HAUS7: variants seen among roughly 807,000 people sequenced by gnomAD.
HAUS7 encodes the protein HAUS augmin like complex subunit 7, also known as HAUS augmin-like complex subunit 7.
Under a neutral mutation model 28.4 loss-of-function variants are expected in HAUS7, and 3 were observed. The ratio of observed to expected loss-of-function variants is 0.11; its 90% confidence interval spans 0.05 to 0.27. HAUS7 has a LOEUF of 0.27. HAUS7 is among the 10% of genes least tolerant of loss of function. The pLI is 1.00. For synonymous variants in HAUS7, 165 were observed against 132.1 expected, an observed-to-expected ratio of 1.25 and a Z score of -1.71; for missense variants, 284 against 297.3, an observed-to-expected ratio of 0.96 and a Z score of 0.33.
chrX:153,484,940 G>A (rs1485928380), intron 1 of HAUS7, among the ~76,000 whole-genome samples: 4 of 112,738 alleles, frequency 3.5e-5, no homozygotes, highest in Non-Finnish European at 5.6e-5. Flanking sequence ...CCCTAGCCAC[G>A]GGGGCTGAGG....
At chrX:153,476,958 C>T in intron 1 of HAUS7, among the ~76,000 whole-genome samples, 1 of 112,911 alleles carries the variant, frequency 8.9e-6, no homozygotes, top group Non-Finnish European at 1.9e-5. Flanking sequence ...AAGGCTGGCT[C>T]TGCTCCATGG....
chrX:153,457,344 G>T, intron 4 of HAUS7, 116 bp from the exon 5 acceptor site: 2 of 510,399 alleles, frequency 3.9e-6, no homozygotes, highest in South Asian at 2.9e-5. Context: ...GGGAAAGGAG[G>T]GGCCTGGCCC....
At position 153,455,673 on chromosome X, in the gene HAUS7, G is replaced by C; in HGVS notation, c.799C>G (p.Gln267Glu). 1.7e-6 allele frequency: 2 copies of C among 1,204,929 alleles called. No individual in the cohort carries two copies. Among genetic ancestry groups the C allele is most frequent in the South Asian group, 1.8e-5 (1 of 56,874 alleles). ...KLRLVTSDFHQLILAFLQVYD... is the reference protein window; with the variant it reads ...KLRLVTSDFHELILAFLQVYD... ...ACTTGGAGAAAAGCCAAGATTAGCT[G>C]GTGGAAGTCGGAAGTGACCAGACGC... The change falls in exon 8 of 10, where the codon CAG (glutamine) becomes GAG (glutamate). Residue 267 changes from glutamine (Q) to glutamate (E), a missense_variant. Transcript: ENST00000370211.
intron 5 of HAUS7, 144 bp downstream of exon 5, chrX:153,456,993 T>C (rs1602932122): frequency 2.1e-6 from 1 of 483,658 alleles, no homozygotes. Context: ...GCCCGGCCCC[T>C]GATTGGCCAG....
At chrX:153,450,834 G>A (rs1447186137) in intron 9 of HAUS7, among the ~76,000 whole-genome samples, 2 of 112,365 alleles carry the variant, frequency 1.8e-5, no homozygotes, top group African/African-American at 6.5e-5. Context: ...ACAGAAACAC[G>A]GCCTTCCACA....
At chrX:153,454,545 G>GGAGC in intron 8 of HAUS7, 37 bp from the exon 9 acceptor site, 1 of 585,234 alleles carries the variant, frequency 1.7e-6, no homozygotes, top group Non-Finnish European at 2.8e-6. Context: ...AGGGAGGGAG[G>GGAGC]GAGCGAGCAG....
intron 9 of HAUS7, among the ~76,000 whole-genome samples, chrX:153,452,520 G>A (rs1205686784): frequency 8.9e-6 from 1 of 112,237 alleles, no homozygotes; most frequent in Non-Finnish European, 1.9e-5. Context: ...TTTAAAAGAA[G>A]TGTTAAAGAA....
chrX:153,476,334 C>T (rs1426129096), intron 1 of HAUS7, among the ~76,000 whole-genome samples: 1 of 112,382 alleles, frequency 8.9e-6, no homozygotes, highest in African/African-American at 3.2e-5. Flanking sequence ...CTCACCTGAT[C>T]CCCTGTCAGT....
rs897640118 is a variant in HAUS7, at chrX:153,456,956, G to A, written c.446+181C>T. On this transcript the variant is annotated intron_variant, in intron 5 of 9. Coordinates refer to ENST00000370211, the MANE Select transcript of HAUS7 (RefSeq NM_001385482.1). The stretch of plus-strand genomic sequence containing the variant: ...CTTGGGCAACAGCCAGCACCCTTGG[G>A]ACACAGCTGCCCCTTGCCCGTATGC... 1.1e-5 allele frequency: 5 copies of A among 449,663 alleles called. No individual in the cohort carries two copies. The South Asian group carries it at 1.3e-4, about 12-fold the overall frequency. 37.1% of individuals were successfully genotyped at this position (449,663 alleles called of 1,213,427 possible). A position where few individuals can be genotyped will look rare whatever the true frequency, so the allele number is the denominator to read the frequency against.
intron 1 of HAUS7, chrX:153,482,553 T>G (rs1323001312): frequency 1.4e-6 from 1 of 726,070 alleles, no homozygotes; most frequent in African/African-American, 2.3e-5. Flanking sequence ...GGGTCTGCCC[T>G]CTAGGAGGCA....
chrX:153,454,659 G>A, intron 8 of HAUS7, 151 bp from the exon 9 acceptor site: 1 of 484,173 alleles, frequency 2.1e-6, no homozygotes, highest in Admixed American at 3.4e-5. Context: ...AAGGGTGAGG[G>A]ACAGAACTCC....
At position 153,480,733 on chromosome X, in the gene HAUS7, G is replaced by A. The variant is rs1002263814; in HGVS notation, c.-588-9588C>T. 22 of 753,747 alleles carry A rather than the reference G, an allele frequency of 2.9e-5. No homozygotes were observed. In the African/African-American group the frequency reaches 4.6e-4, roughly 16 times the overall value. 62.1% of individuals were successfully genotyped at this position (753,747 alleles called of 1,213,427 possible). A position where few individuals can be genotyped will look rare whatever the true frequency, so the allele number is the denominator to read the frequency against. On this transcript the variant is annotated intron_variant, in intron 1 of 5. Coordinates refer to the HAUS7 transcript ENST00000370210. ...GGCTGGAAAGCGCTTCCCAGGCCAGGGCTGGCCCTGAGGAAGGAGTCACCC... is the reference window on the plus strand; with the variant it reads ...GGCTGGAAAGCGCTTCCCAGGCCAGAGCTGGCCCTGAGGAAGGAGTCACCC...
At position 153,490,621 on chromosome X, in the gene HAUS7, C is replaced by T. The variant is rs782747647; in HGVS notation, c.-589+4753G>A. ...GGGGTTGCCCACTGGTGTCTGCCCCCGAGGGTGCCGACACTGGGAATGGAC... is the reference window on the plus strand; with the variant it reads ...GGGGTTGCCCACTGGTGTCTGCCCCTGAGGGTGCCGACACTGGGAATGGAC... On this transcript the variant is annotated intron_variant, in intron 1 of 5. Coordinates refer to the HAUS7 transcript ENST00000370210. Among the ~76,000 whole-genome samples the T allele has an allele frequency of 9.7e-4, 109 of 112,920 alleles. 1 individual carries two copies. Among genetic ancestry groups the T allele is most frequent in the African/African-American group, 3.4e-3 (106 of 31,136 alleles).
At chrX:153,448,244 G>A (rs1259950331) in intron 9 of HAUS7, among the ~76,000 whole-genome samples, 1 of 110,100 alleles carries the variant, frequency 9.1e-6, no homozygotes, top group Non-Finnish European at 1.9e-5. Flanking sequence ...GTCCTTTGTA[G>A]GGACATGGAT....
intron 9 of HAUS7, among the ~76,000 whole-genome samples, 185 bp from the exon 10 acceptor site, chrX:153,448,094 G>A (rs1556980405): frequency 9.1e-6 from 1 of 109,809 alleles, no homozygotes; most frequent in East Asian, 2.8e-4. Flanking sequence ...ACATGCACAC[G>A]TATGTTTATT....
At chrX:153,489,451 G>A (rs140273359) in intron 1 of HAUS7, among the ~76,000 whole-genome samples, 174 of 112,866 alleles carry the variant, frequency 1.5e-3, no homozygotes, top group African/African-American at 5.5e-3. Flanking sequence ...GCAGCCAATC[G>A]GTGACCCCAA....
chrX:153,459,831 C>A (rs782310470), intron 4 of HAUS7, among the ~76,000 whole-genome samples: 1 of 112,439 alleles, frequency 8.9e-6, no homozygotes, highest in African/African-American at 3.2e-5. Context: ...GCTTGGGCAA[C>A]ATGGCAAGAC....
chrX:153,465,945 A>G (rs1556984218), intron 2 of HAUS7, among the ~76,000 whole-genome samples: 1 of 112,566 alleles, frequency 8.9e-6, no homozygotes, highest in African/African-American at 3.2e-5. Context: ...TTCATAAACA[A>G]GAAGGAGTCG....
In HAUS7 at chrX:153,482,382, C is replaced by T. The variant is rs4898480; in HGVS notation, c.-588-11237G>A. 1,593 of 755,414 alleles carry T rather than the reference C, an allele frequency of 2.1e-3. 40 individuals carry two copies. In the East Asian group the frequency reaches 0.081, roughly 39 times the overall value. The allele number at this position is 755,414 out of a possible 1,213,427, so 62.3% of individuals were successfully genotyped here. ...GTTGGGAACTCGCTGACCACAGTCCCGGCCCTACCTGCCTCCCTGCAGGAG... is the reference window on the plus strand; with the variant it reads ...GTTGGGAACTCGCTGACCACAGTCCTGGCCCTACCTGCCTCCCTGCAGGAG... On this transcript the variant is annotated intron_variant, in intron 1 of 5. Transcript: ENST00000370210.
Sources: gnomAD v4.1 joint callset for allele counts (sites outside exome capture counted in the v4.1 genomes callset) on GRCh38, gnomAD v4.1.1 for gene constraint, MANE v1.5 for transcripts, NCBI Gene and HGNC (gene_info 2026-07-23, HGNC 2026-07-21) for gene names.